The following NBR1 variants were observed in gnomAD, a reference collection of about 807,000 sequenced individuals.
The protein encoded by NBR1 is next to BRCA1 gene 1 protein.
In NBR1, 59 loss-of-function variants were observed where a neutral mutation model predicts 115.5. The observed-to-expected ratio is 0.51, with a 90% CI of 0.41 to 0.63. The LOEUF is 0.63. Among genes scored for constraint, NBR1 ranks in the 30% least tolerant of loss-of-function variants. NBR1 has a pLI of 0.00. For synonymous variants in NBR1, 373 were observed against 414.7 expected (o/e 0.90, Z 1.22); for missense variants, 1,043 against 1,150.5 (o/e 0.91, Z 1.35).
rs2057071754 is a variant in NBR1 at position 43,196,519 on chromosome 17, C to T, written c.1789C>T (p.Pro597Ser). 1.2e-6 allele frequency: 2 copies of T among 1,603,660 alleles called. No homozygotes were observed. The highest frequency in any genetic ancestry group is 2.7e-5 in the African/African-American group (2 of 74,572). Residue 597 changes from proline (P) to serine (S), a missense_variant, in exon 15 of 21, where the codon CCT becomes TCT. By Grantham distance (74) the Pro-to-Ser change is moderately conservative. Coordinates refer to ENST00000590996, the MANE Select transcript of NBR1 (RefSeq NM_005899.5). ...CATGTCTCCTCTGCCACATGACAGT[C>T]CTTTAATAGAGAAGCCAGGCTTGGG... ...PCMSPLPHDS[P>S]LIEKPGLGQI...
chr17:43,195,690 C>G (rs1220659650), intron 14 of NBR1: 1 of 151,402 alleles, frequency 6.6e-6, no homozygotes, highest in African/African-American at 2.4e-5. Flanking sequence ...GCATGGTGGC[C>G]TGCACCTGTG....
At chr17:43,178,710 G>A (rs2056589870) in intron 3 of NBR1, among the ~76,000 whole-genome samples, 1 of 149,820 alleles carries the variant, frequency 6.7e-6, no homozygotes. Context: ...GTGACCTTAA[G>A]TTCACATATA....
chr17:43,179,400 A>G lies in NBR1; in HGVS notation c.172A>G (p.Ile58Val), dbSNP rs764711895. The G allele has an allele frequency of 2.5e-6, 4 of 1,612,998 alleles. No individual in the cohort carries two copies. The highest frequency in any genetic ancestry group is 1.7e-6 in the Non-Finnish European group (2 of 1,179,220). ...GCTTTTTTTCCTTTTATAGGTATCCATCAACAGTCAAGGTGAGTCCCTAAG... is the reference window on the plus strand; with the variant it reads ...GCTTTTTTTCCTTTTATAGGTATCCGTCAACAGTCAAGGTGAGTCCCTAAG... ...YLDEENEEVS[I>V]NSQGEYEEAL... The change falls in exon 4 of 21, where the codon ATC becomes GTC. Residue 58 changes from isoleucine (I) to valine (V), a missense_variant. Transcript: ENST00000590996.
intron 6 of NBR1, among the ~76,000 whole-genome samples, chr17:43,186,863 G>A (rs2056815732): frequency 1.3e-5 from 2 of 152,142 alleles, no homozygotes; most frequent in Non-Finnish European, 2.9e-5. Flanking sequence ...CCTTTTTTAT[G>A]GCTGCGTATT....
intron 20 of NBR1, chr17:43,209,572 C>CT: frequency 6.5e-7 from 1 of 1,535,188 alleles, no homozygotes; most frequent in East Asian, 2.4e-5. Flanking sequence ...CTGGGGCTTG[C>CT]TGTCATTCCT....
intron 5 of NBR1, among the ~76,000 whole-genome samples, chr17:43,184,328 G>C (rs1285679952): frequency 6.8e-6 from 1 of 147,576 alleles, no homozygotes; most frequent in African/African-American, 2.5e-5. Flanking sequence ...CAAAGTGCTC[G>C]GATTACAGGC....
At chr17:43,177,621 A>G (rs1391209960) in intron 2 of NBR1, among the ~76,000 whole-genome samples, 2 of 140,672 alleles carry the variant, frequency 1.4e-5, no homozygotes, top group Admixed American at 7.1e-5. Context: ...ACACACACAC[A>G]GTTTGGTATT....
chr17:43,193,213 T>A lies in NBR1; in HGVS notation c.1193T>A (p.Met398Lys). The A allele has an allele frequency of 6.2e-7, 1 of 1,613,960 alleles. No individual in the cohort carries two copies. The highest frequency in any genetic ancestry group is 8.5e-7 in the Non-Finnish European group (1 of 1,179,882). The change falls in exon 11 of 21, where the codon ATG becomes AAG. Residue 398 changes from methionine (M) to lysine (K), a missense_variant. Met to Lys is a moderately conservative substitution (Grantham distance 95). Transcript: ENST00000590996. ...PGTKFIKHWR[M>K]KNTGNVKWSA... ...ACCAAGTTTATCAAACACTGGAGGA[T>A]GAAAAATACAGGAAATGTAAAGTGG...
chr17:43,178,365 CCTTTTTTTTTTTT>C (rs2056577769), intron 3 of NBR1, among the ~76,000 whole-genome samples: 2 of 129,254 alleles, frequency 1.5e-5, no homozygotes, highest in African/African-American at 5.4e-5. Context: ...CCTGAGAGAA[CCTTTTTTTTTTTT>C]CTTTTTTTTT....
In NBR1 at chr17:43,189,623, G is replaced by A; in HGVS notation, c.516G>A (p.Lys172=). The change falls in exon 8 of 21, where the codon AAG becomes AAA. Residue 172 remains lysine, a synonymous_variant. Transcript: ENST00000590996. ...REQVVNETVE[K]LEQKLHEKLV... ...AAGTGGTTAACGAAACGGTTGAGAAGCTTGAACAGAAATTACATGAAAAGC... is the reference window on the plus strand; with the variant it reads ...AAGTGGTTAACGAAACGGTTGAGAAACTTGAACAGAAATTACATGAAAAGC... The A allele has an allele frequency of 2.5e-6, 4 of 1,613,980 alleles. No individual in the cohort carries two copies. The highest frequency in any genetic ancestry group is 3.4e-6 in the Non-Finnish European group (4 of 1,179,878).
intron 7 of NBR1, 49 bp downstream of exon 7, chr17:43,189,168 G>A (rs1304047722): frequency 1.5e-6 from 2 of 1,316,910 alleles, no homozygotes; most frequent in Non-Finnish European, 2.2e-6. Flanking sequence ...TGGCACAGGT[G>A]GAATGTGGAA....
chr17:43,195,327 C>T, intron 14 of NBR1: 1 of 380,234 alleles, frequency 2.6e-6, no homozygotes, highest in Non-Finnish European at 4.7e-6. Flanking sequence ...CATGGTGAAA[C>T]CCCCATCTCT....
chr17:43,175,267 A>G (rs1375863852), intron 1 of NBR1, among the ~76,000 whole-genome samples: 1 of 152,110 alleles, frequency 6.6e-6, no homozygotes, highest in Non-Finnish European at 1.5e-5. Flanking sequence ...AGTTAGGACA[A>G]CCCTCCTTCT....
chr17:43,174,204 C>A (rs956830751), intron 1 of NBR1, among the ~76,000 whole-genome samples: 64 of 151,706 alleles, frequency 4.2e-4, no homozygotes, highest in African/African-American at 1.5e-3. Context: ...GCAAATTGGT[C>A]CTGAGTTGAT....
At chr17:43,181,440 G>A (rs2056660967) in intron 5 of NBR1, among the ~76,000 whole-genome samples, 1 of 152,138 alleles carries the variant, frequency 6.6e-6, no homozygotes, top group South Asian at 2.1e-4. Context: ...GGGAGGCCGA[G>A]GTGGGTGGAT....
At chr17:43,209,862 A>G in intron 20 of NBR1, 39 bp from the exon 21 acceptor site, 2 of 1,367,018 alleles carry the variant, frequency 1.5e-6, no homozygotes, top group Non-Finnish European at 1.9e-6. Context: ...ATTATACAGA[A>G]TTTTTTTTTT....
intron 4 of NBR1, among the ~76,000 whole-genome samples, chr17:43,180,232 T>C (rs1028339845): frequency 2.0e-5 from 3 of 152,216 alleles, no homozygotes; most frequent in African/African-American, 4.8e-5. Context: ...TGTCATTATA[T>C]GGACATCATA....
At chr17:43,198,948 G>A (rs1319051465) in intron 16 of NBR1, among the ~76,000 whole-genome samples, 1 of 152,154 alleles carries the variant, frequency 6.6e-6, no homozygotes, top group Non-Finnish European at 1.5e-5. Context: ...GGGCAACAGA[G>A]TGAGACTCCA....
chr17:43,209,233 C>T (rs1048925192), intron 20 of NBR1, among the ~76,000 whole-genome samples: 4 of 151,980 alleles, frequency 2.6e-5, no homozygotes, highest in East Asian at 1.9e-4. Context: ...CCTGCCACCA[C>T]GCCTGGCTAA....
Sources: gnomAD v4.1 joint callset for allele counts (sites outside exome capture counted in the v4.1 genomes callset) on GRCh38, gnomAD v4.1.1 for gene constraint, MANE v1.5 for transcripts, NCBI Gene and HGNC (gene_info 2026-07-23, HGNC 2026-07-21) for gene names.